The following RPE variants were observed in gnomAD, a reference collection of about 807,000 sequenced individuals.
RPE encodes the protein ribulose-phosphate 3-epimerase.
RPE carries 16 observed loss-of-function variants against 24.6 expected under a neutral mutation model. The observed-to-expected ratio is 0.65, with a 90% CI of 0.44 to 0.99. The LOEUF (loss-of-function observed/expected upper bound fraction) is 0.99. Ranked by LOEUF, RPE falls within the 50% of genes least tolerant of loss-of-function variation. The pLI is 0.00. For missense variants in RPE, 240 were observed against 294.5 expected (o/e 0.81, Z 1.35); for synonymous variants, 93 against 98.4 (o/e 0.94, Z 0.33).
chr2:210,016,721 T>G (rs2093777285), intron 4 of RPE, 80 bp downstream of exon 4: 1 of 1,595,184 alleles, frequency 6.3e-7, no homozygotes, highest in Non-Finnish European at 8.6e-7. Flanking sequence ...GCTTGTATAT[T>G]TAGGCATAAC....
chr2:210,017,711 T>A, intron 5 of RPE, 152 bp downstream of exon 5: 1 of 604,832 alleles, frequency 1.7e-6, no homozygotes, highest in Non-Finnish European at 2.9e-6. Context: ...ACTAGGAAAA[T>A]AAACAGCCAT....
chr2:210,011,508 G>GT (rs1330389039), intron 2 of RPE, among the ~76,000 whole-genome samples: 1 of 151,986 alleles, frequency 6.6e-6, no homozygotes, highest in East Asian at 1.9e-4. Flanking sequence ...GCAATCCTGT[G>GT]TTGCTGCCAC....
At chr2:210,019,426 T>C (rs1393860261) in intron 5 of RPE, among the ~76,000 whole-genome samples, 1 of 152,140 alleles carries the variant, frequency 6.6e-6, no homozygotes, top group African/African-American at 2.4e-5. Context: ...TTATTAAGAG[T>C]TGGTTTACCA....
intron 5 of RPE, chr2:210,017,803 G>T (rs1381797622): frequency 1.7e-6 from 1 of 598,340 alleles, no homozygotes; most frequent in Non-Finnish European, 3.0e-6. Flanking sequence ...GGAGTGCAGT[G>T]GCGTGATCTC....
At chr2:210,010,376 A>G (rs758736713) in intron 2 of RPE, among the ~76,000 whole-genome samples, 3 of 152,204 alleles carry the variant, frequency 2.0e-5, no homozygotes, top group Non-Finnish European at 4.4e-5. Context: ...CACCTGCCAG[A>G]TCTCTTAAAC....
chr2:210,019,881 G>C lies in RPE; in HGVS notation c.*90G>C, dbSNP rs2093835720. On this transcript the variant is annotated 3_prime_UTR_variant, in exon 6 of 6. Transcript: ENST00000359429. ...ACTACCAAATCACAATGCAATTGAA[G>C]CCGTACTGCTTTTTTGAGCAGTTAT... 16 of 1,463,822 alleles carry C rather than the reference G, an allele frequency of 1.1e-5. No homozygotes were observed. The highest frequency in any genetic ancestry group is 1.5e-5 in the Non-Finnish European group (16 of 1,093,596). The allele number at this position is 1,463,822 out of a possible 1,614,324, so 90.7% of individuals were successfully genotyped here.
At chr2:210,011,957 T>A (rs961253321) in intron 2 of RPE, among the ~76,000 whole-genome samples, 3 of 151,902 alleles carry the variant, frequency 2.0e-5, no homozygotes, top group African/African-American at 7.3e-5. Context: ...GTTGTGATAG[T>A]AGGTGTAAGT....
chr2:210,018,706 T>G (rs1233274101), intron 5 of RPE: 7 of 985,278 alleles, frequency 7.1e-6, no homozygotes, highest in African/African-American at 1.7e-5. Context: ...CCTGCTTTTA[T>G]GCCAGAGGTA....
At chr2:210,017,422 C>CCCCCCCCA in intron 4 of RPE, 51 bp from the exon 5 acceptor site, 1 of 1,017,184 alleles carries the variant, frequency 9.8e-7, no homozygotes, top group Non-Finnish European at 1.5e-6. Flanking sequence ...CCCCCACCCC[C>CCCCCCCCA]ACCAACATAC....
chr2:210,010,401 A>G (rs1021464481), intron 2 of RPE, among the ~76,000 whole-genome samples: 1 of 152,136 alleles, frequency 6.6e-6, no homozygotes, highest in African/African-American at 2.4e-5. Flanking sequence ...GAAATTTTAC[A>G]CATTTTTATA....
rs2093869455 is a variant in RPE, at chr2:210,022,191, CAGAA to C, written c.*2403_*2406del. On this transcript the variant is annotated 3_prime_UTR_variant, in exon 6 of 6. Transcript: ENST00000359429. ...CTTGCTTTATTTTGTTAGGAGTAAA[CAGAA>C]AGTAGCCTGTGTTTAGTCCCAAAGA... The C allele has an allele frequency of 6.6e-6, 1 of 151,776 alleles. No homozygotes were observed. Among genetic ancestry groups the C allele is most frequent in the African/African-American group, 2.4e-5 (1 of 41,324 alleles). The allele number at this position is 151,776 out of a possible 1,614,324, so 9.4% of individuals were successfully genotyped here. A position where few individuals can be genotyped will look rare whatever the true frequency, so the allele number is the denominator to read the frequency against.
At chr2:210,005,085 G>C (rs2093612245) in intron 1 of RPE, among the ~76,000 whole-genome samples, 1 of 151,924 alleles carries the variant, frequency 6.6e-6, no homozygotes, top group Non-Finnish European at 1.5e-5. Context: ...CTTCTTCCCT[G>C]ATGTCTCACC....
intron 2 of RPE, among the ~76,000 whole-genome samples, chr2:210,011,985 T>C (rs2093706996): frequency 6.6e-6 from 1 of 152,158 alleles, no homozygotes. Flanking sequence ...CCCGACTACC[T>C]TTGTTTTTTA....
intron 2 of RPE, among the ~76,000 whole-genome samples, chr2:210,011,032 G>T (rs2093692651): frequency 6.6e-6 from 1 of 151,998 alleles, no homozygotes; most frequent in Non-Finnish European, 1.5e-5. Context: ...TGCAGCTATG[G>T]GACATTTCCA....
chr2:210,012,243 C>G, intron 2 of RPE, among the ~76,000 whole-genome samples: 1 of 152,168 alleles, frequency 6.6e-6, no homozygotes, highest in East Asian at 1.9e-4. Context: ...CCTTAAGACC[C>G]TTTCGGGTCA....
intron 1 of RPE, chr2:210,003,470 T>C: frequency 1.6e-6 from 2 of 1,287,294 alleles, no homozygotes; most frequent in Non-Finnish European, 2.0e-6. Flanking sequence ...CAGTTTTTTG[T>C]AAGTAATTTT....
At position 210,020,246 on chromosome 2, in the gene RPE, G is replaced by C. The variant is rs2093839511; in HGVS notation, c.*455G>C. The stretch of plus-strand genomic sequence containing the variant: ...TATTGTGATTTGTTTATAAGTTTGG[G>C]TGGGGTGCATACCATATTCTTGGTT... On this transcript the variant is annotated 3_prime_UTR_variant, in exon 6 of 6. Transcript: ENST00000359429. 5.9e-6 allele frequency: 1 copy of C among 168,084 alleles called. No individual in the cohort carries two copies. The highest frequency in any genetic ancestry group is 1.5e-5 in the Non-Finnish European group (1 of 68,884). 10.4% of individuals were successfully genotyped at this position (168,084 alleles called of 1,614,324 possible). A position where few individuals can be genotyped will look rare whatever the true frequency, so the allele number is the denominator to read the frequency against.
intron 1 of RPE, among the ~76,000 whole-genome samples, chr2:210,006,699 GA>G (rs1205731925): frequency 6.6e-6 from 1 of 152,178 alleles, no homozygotes; most frequent in East Asian, 1.9e-4. Flanking sequence ...GTGAAATTCA[GA>G]TCTTTAATTC....
Position 210,019,836 on chromosome 2 carries a change from A to G in RPE, c.*45A>G, listed in dbSNP as rs1201850729. The G allele has an allele frequency of 1.3e-6, 2 of 1,582,504 alleles. No homozygotes were observed. Among genetic ancestry groups the G allele is most frequent in the South Asian group, 1.1e-5 (1 of 87,090 alleles). On this transcript the variant is annotated 3_prime_UTR_variant, in exon 6 of 6. Coordinates refer to ENST00000359429, the MANE Select transcript of RPE (RefSeq NM_199229.3). The stretch of plus-strand genomic sequence containing the variant: ...TTCCTGTTCATGAAATCTCCCTTTT[A>G]CTGGAAAACAGGAATATTGACTACC...
Sources: allele counts gnomAD v4.1 joint callset (sites outside exome capture counted in the v4.1 genomes callset), GRCh38; gene constraint gnomAD v4.1.1; transcripts MANE v1.5; gene names NCBI Gene and HGNC (gene_info 2026-07-23, HGNC 2026-07-21).